Variants in OR5A1 observed in about 807,000 individuals in gnomAD.
The protein encoded by OR5A1 is olfactory receptor family 5 subfamily A member 1, also known as olfactory receptor 5A1.
In OR5A1, 6 loss-of-function variants were observed where a neutral mutation model predicts 6.7. The observed-to-expected ratio is 0.89, with a 90% CI of 0.49 to 1.76. OR5A1 has a LOEUF of 1.76. Among genes scored for constraint, OR5A1 ranks in the 40% most tolerant of loss-of-function variants. The pLI is 0.01. For missense variants in OR5A1, 378 were observed against 381.7 expected (o/e 0.99, Z 0.08); for synonymous variants, 170 against 155.0 (o/e 1.10, Z -0.72).
intron 1 of OR5A1, among the ~76,000 whole-genome samples, chr11:59,438,422 A>C (rs1051844942): frequency 4.6e-5 from 7 of 152,286 alleles, no homozygotes; most frequent in Admixed American, 4.6e-4. Context: ...AATTTTGTGA[A>C]CAGTAAACCC....
intron 1 of OR5A1, among the ~76,000 whole-genome samples, chr11:59,441,938 T>TGATAGATAGATAGATA (rs3033264): frequency 2.0e-5 from 3 of 147,998 alleles, no homozygotes; most frequent in African/African-American, 2.5e-5. Context: ...GATAGAGAGA[T>TGATAGATAGATAGATA]GATAGATAGA....
Position 59,444,316 on chromosome 11 carries a change from T to TAATA in OR5A1, c.*200_*201insAATA. ...ATAGCCAAAAAGGGAAGGAATTTCT[T>TAATA]CAGAAAAAAAAAAAAAAAAAAAAGA... On this transcript the variant is annotated 3_prime_UTR_variant, in exon 2 of 2. Transcript: ENST00000641045. The TAATA allele has an allele frequency of 1.7e-5, 2 of 119,730 alleles. No homozygotes were observed. Among genetic ancestry groups the TAATA allele is most frequent in the East Asian group, 1.6e-4 (1 of 6,168 alleles). The allele number at this position is 119,730 out of a possible 1,614,324, so 7.4% of individuals were successfully genotyped here. A position where few individuals can be genotyped will look rare whatever the true frequency, so the allele number is the denominator to read the frequency against.
intron 1 of OR5A1, among the ~76,000 whole-genome samples, chr11:59,440,625 GGA>G (rs1344903363): frequency 6.6e-6 from 1 of 152,164 alleles, no homozygotes; most frequent in African/African-American, 2.4e-5. Context: ...GTACCTCTAT[GGA>G]ATGTGTGAGG....
chr11:59,439,298 C>T (rs1310100049), intron 1 of OR5A1, among the ~76,000 whole-genome samples: 1 of 152,184 alleles, frequency 6.6e-6, no homozygotes, highest in Non-Finnish European at 1.5e-5. Flanking sequence ...GTATTATTAT[C>T]TTCCCGTGTC....
chr11:59,441,017 G>T (rs954186573), intron 1 of OR5A1, among the ~76,000 whole-genome samples: 1 of 152,166 alleles, frequency 6.6e-6, no homozygotes, highest in Admixed American at 6.6e-5. Flanking sequence ...AAGGGCATCT[G>T]TCTGTGCAAG....
Position 59,444,260 on chromosome 11 carries a change from C to A in OR5A1, c.*144C>A. On this transcript the variant is annotated 3_prime_UTR_variant, in exon 2 of 2. Coordinates refer to ENST00000641045, the MANE Select transcript of OR5A1 (RefSeq NM_001004728.2). ...CCTCCAGATTCCTCTCACCCTTCCT[C>A]ATGGTCACTTGTCTACTGACTGTGC... is the stretch of plus-strand genomic sequence containing the variant. 2.4e-6 allele frequency: 1 copy of A among 415,656 alleles called. No homozygotes were observed. Among genetic ancestry groups the A allele is most frequent in the Non-Finnish European group, 4.4e-6 (1 of 226,112 alleles). The allele number at this position is 415,656 out of a possible 1,614,324, so 25.7% of individuals were successfully genotyped here.
intron 1 of OR5A1, among the ~76,000 whole-genome samples, chr11:59,441,938 T>TGATGATA (rs1554968736): frequency 6.8e-6 from 1 of 147,998 alleles, no homozygotes; most frequent in Non-Finnish European, 1.5e-5. Context: ...GATAGAGAGA[T>TGATGATA]GATAGATAGA....
chr11:59,440,436 G>T (rs549531413), intron 1 of OR5A1, among the ~76,000 whole-genome samples: 1 of 152,094 alleles, frequency 6.6e-6, no homozygotes, highest in Non-Finnish European at 1.5e-5. Context: ...TAAATGAGTT[G>T]CCCAACATCC....
In OR5A1 at chr11:59,443,997, G is replaced by T. The variant is rs148666968; in HGVS notation, c.829G>T (p.Val277Leu). 2 of 1,613,994 alleles carry T rather than the reference G, an allele frequency of 1.2e-6. No homozygotes were observed. The highest frequency in any genetic ancestry group is 1.7e-6 in the Non-Finnish European group (2 of 1,180,010). The part of the protein sequence containing the change: ...SSYLLGRDKV[V>L]SVFYSLVIPM... Reference sequence around the variant, plus strand: ...CTACTTGCTAGGCAGGGACAAGGTGGTGTCTGTTTTCTATTCATTGGTGAT... The same window carrying T: ...CTACTTGCTAGGCAGGGACAAGGTGTTGTCTGTTTTCTATTCATTGGTGAT... Residue 277 changes from valine to leucine, a missense_variant, in exon 2 of 2, where the codon GTG (valine) becomes TTG (leucine). Coordinates refer to ENST00000641045, the MANE Select transcript of OR5A1 (RefSeq NM_001004728.2).
Position 59,444,980 on chromosome 11 carries a change from GTA to G in OR5A1, c.*866_*867del, listed in dbSNP as rs1355800025. The G allele has an allele frequency of 2.1e-5, 1 of 47,284 alleles. No homozygotes were observed. The highest frequency in any genetic ancestry group is 1.3e-4 in the Non-Finnish European group (1 of 7,580). 2.9% of individuals were successfully genotyped at this position (47,284 alleles called of 1,614,324 possible). ...TTTCTTTAATATTTCACTAAATGTT[GTA>G]TTTTTTTTCTTTTAATTTAATTTAA... is the stretch of plus-strand genomic sequence containing the variant. On this transcript the variant is annotated 3_prime_UTR_variant, in exon 2 of 2. Transcript: ENST00000641045.
chr11:59,442,236 C>T (rs1858489700), intron 1 of OR5A1, among the ~76,000 whole-genome samples: 2 of 152,062 alleles, frequency 1.3e-5, no homozygotes, highest in African/African-American at 2.4e-5. Flanking sequence ...CGCCCAAGGT[C>T]GTTCGAGACC....
rs544610370 is a variant in OR5A1, at chr11:59,444,637, A to T, written c.*521A>T. 1 of 153,448 alleles carries T rather than the reference A, an allele frequency of 6.5e-6. No individual in the cohort carries two copies. The highest frequency in any genetic ancestry group is 2.4e-5 in the African/African-American group (1 of 41,580). 9.5% of individuals were successfully genotyped at this position (153,448 alleles called of 1,614,324 possible). On this transcript the variant is annotated 3_prime_UTR_variant, in exon 2 of 2. Transcript: ENST00000641045. ...ACATTCAACAAAAAAATAGCCCAAAAGTAGTACGAGTATATAACTCTTGTT... is the reference window on the plus strand; with the variant it reads ...ACATTCAACAAAAAAATAGCCCAAATGTAGTACGAGTATATAACTCTTGTT...
chr11:59,438,213 G>C (rs995229768), intron 1 of OR5A1, among the ~76,000 whole-genome samples: 9 of 152,134 alleles, frequency 5.9e-5, no homozygotes, highest in African/African-American at 2.2e-4. Flanking sequence ...TCCAGCCTCA[G>C]GTAGTCCTGA....
chr11:59,447,909 C>T lies in OR5A1; in HGVS notation c.*3793C>T, dbSNP rs1408911858. On this transcript the variant is annotated 3_prime_UTR_variant, in exon 2 of 2. Coordinates refer to ENST00000641045, the MANE Select transcript of OR5A1 (RefSeq NM_001004728.2). The stretch of plus-strand genomic sequence containing the variant: ...AAGAAAGAGAAGGAAGATCAGAAGG[C>T]CAAGTTCTCCTGCCTAATTTTTTTC... 1 of 152,102 alleles carries T rather than the reference C, an allele frequency of 6.6e-6. No homozygotes were observed. The highest frequency in any genetic ancestry group is 6.5e-5 in the Admixed American group (1 of 15,274). 9.4% of individuals were successfully genotyped at this position (152,102 alleles called of 1,614,324 possible). A position where few individuals can be genotyped will look rare whatever the true frequency, so the allele number is the denominator to read the frequency against.
In OR5A1 at chr11:59,443,235, C is replaced by T. The variant is rs1485294135; in HGVS notation, c.67C>T (p.His23Tyr). ...GTTCATCCTCCTGGGATTCACAGAC[C>T]ATCCAGAACTCCAGGCCCTCCTCTT... ...TMFILLGFTD[H>Y]PELQALLFVT... is the part of the protein sequence containing the mutation. The change falls in exon 2 of 2, where the codon CAT becomes TAT. Residue 23 changes from histidine to tyrosine, a missense_variant. Physicochemically the swap from His to Tyr is moderately conservative, Grantham distance 83. Coordinates refer to ENST00000641045, the MANE Select transcript of OR5A1 (RefSeq NM_001004728.2). The T allele has an allele frequency of 2.5e-6, 4 of 1,614,110 alleles. No individual in the cohort carries two copies. The highest frequency in any genetic ancestry group is 1.3e-5 in the African/African-American group (1 of 75,018).
rs373789722 is a variant in OR5A1, at chr11:59,443,354, G to A, written c.186G>A (p.Met62Ile). 2.5e-6 allele frequency: 4 copies of A among 1,613,772 alleles called. No homozygotes were observed. The highest frequency in any genetic ancestry group is 3.4e-6 in the Non-Finnish European group (4 of 1,180,032). Reference protein sequence around the residue: ...IRGDTHLHTPMYFFLSNLSFI... With the variant: ...IRGDTHLHTPIYFFLSNLSFI... ...GTGACACCCATCTGCACACACCCAT[G>A]TACTTCTTCCTAAGCAACTTATCTT... The change falls in exon 2 of 2, where the codon ATG (methionine) becomes ATA (isoleucine). Residue 62 changes from methionine to isoleucine, a missense_variant. Physicochemically the swap from Met to Ile is conservative, Grantham distance 10. Coordinates refer to ENST00000641045, the MANE Select transcript of OR5A1 (RefSeq NM_001004728.2).
chr11:59,443,931 T>C lies in OR5A1; in HGVS notation c.763T>C (p.Phe255Leu), dbSNP rs1444800794. 1 of 1,614,092 alleles carries C rather than the reference T, an allele frequency of 6.2e-7. No homozygotes were observed. Among genetic ancestry groups the C allele is most frequent in the South Asian group, 1.1e-5 (1 of 91,062 alleles). Residue 255 changes from phenylalanine (F) to leucine (L), a missense_variant, in exon 2 of 2, where the codon TTT (phenylalanine) becomes CTT (leucine). Phe to Leu is a conservative substitution (Grantham distance 22, BLOSUM62 0). Transcript: ENST00000641045. ...GCATCTGATGGTGGTGACTCTGCTGTTTGGGACAGCCCTTTTCGTGTACTT... is the reference window on the plus strand; with the variant it reads ...GCATCTGATGGTGGTGACTCTGCTGCTTGGGACAGCCCTTTTCGTGTACTT... ...ASHLMVVTLL[F>L]GTALFVYLRP...
intron 1 of OR5A1, among the ~76,000 whole-genome samples, chr11:59,441,785 A>C (rs1858482193): frequency 6.6e-6 from 1 of 152,172 alleles, no homozygotes; most frequent in African/African-American, 2.4e-5. Flanking sequence ...GATACTTTGT[A>C]ACTTAGGTTT....
In OR5A1 at chr11:59,450,540, G is replaced by A. The variant is rs1858604756; in HGVS notation, c.*6424G>A. The A allele has an allele frequency of 2.0e-5, 3 of 151,830 alleles. No homozygotes were observed. In the South Asian group the frequency reaches 6.2e-4, roughly 32 times the overall value. The allele number at this position is 151,830 out of a possible 1,614,324, so 9.4% of individuals were successfully genotyped here. On this transcript the variant is annotated 3_prime_UTR_variant, in exon 2 of 2. Coordinates refer to ENST00000641045, the MANE Select transcript of OR5A1 (RefSeq NM_001004728.2). ...ACATAATATCAGAGCTCAAATTAATGGAGAACTTTTTACTTCAAATTGTAA... is the reference window on the plus strand; with the variant it reads ...ACATAATATCAGAGCTCAAATTAATAGAGAACTTTTTACTTCAAATTGTAA...
Sources: allele counts gnomAD v4.1 joint callset (sites outside exome capture counted in the v4.1 genomes callset), GRCh38; gene constraint gnomAD v4.1.1; transcripts MANE v1.5; gene names NCBI Gene and HGNC (gene_info 2026-07-23, HGNC 2026-07-21).